TCHH: variants seen among roughly 807,000 people sequenced by gnomAD.
TCHH encodes the protein trichohyalin.
TCHH carries 6 observed loss-of-function variants against 6.3 expected under a neutral mutation model. The observed-to-expected ratio is 0.95, with a 90% CI of 0.52 to 1.88. TCHH has a LOEUF of 1.88. Among genes scored for constraint, TCHH ranks in the 40% most tolerant of loss-of-function variants. The pLI is 0.01. For missense variants in TCHH, 2,920 were observed against 2,449.1 expected, an observed-to-expected ratio of 1.19 and a Z score of -4.06; for synonymous variants, 1,087 against 963.6, an observed-to-expected ratio of 1.13 and a Z score of -2.37.
In TCHH at chr1:152,108,177, C is replaced by A. The variant is rs545995525; in HGVS notation, c.5040G>T (p.Glu1680Asp). 2 of 1,610,348 alleles carry A rather than the reference C, an allele frequency of 1.2e-6. No individual in the cohort carries two copies. Among genetic ancestry groups the A allele is most frequent in the Non-Finnish European group, 8.5e-7 (1 of 1,179,022 alleles). Residue 1680 changes from glutamate to aspartate, a missense_variant, in exon 3 of 3, where the codon GAG becomes GAT. Transcript: ENST00000614923. ...REEEQLLQEG[E>D]EQQLRRQERD... ...GCTCTTGGCGGCGCAGCTGCTGTTC[C>A]TCCCCTTCCTGGAGCAGCTGTTCCT... is the stretch of plus-strand genomic sequence containing the variant.
In TCHH at chr1:152,110,254, T is replaced by TTC. The variant is rs765939343; in HGVS notation, c.2961_2962dup (p.Lys988ArgfsTer18). On this transcript the variant is annotated frameshift_variant, in exon 3 of 3. Transcript: ENST00000614923. LOFTEE classifies it low-confidence loss of function (END_TRUNC). ...CAACTCCTCTTCCTCGCGGTATTTT[T>TTC]TCTCCCGCTCCTGGCGCCTTCTCTT... 1 of 1,403,928 alleles carries TTC rather than the reference T, an allele frequency of 7.1e-7. No homozygotes were observed. Among genetic ancestry groups the TTC allele is most frequent in the East Asian group, 3.2e-5 (1 of 31,636 alleles). 87.0% of individuals were successfully genotyped at this position (1,403,928 alleles called of 1,614,324 possible). A position where few individuals can be genotyped will look rare whatever the true frequency, so the allele number is the denominator to read the frequency against.
At position 152,110,316 on chromosome 1, in the gene TCHH, C is replaced by T. The variant is rs770397524; in HGVS notation, c.2901G>A (p.Gln967=). Residue 967 remains glutamine (Q), a synonymous_variant, in exon 3 of 3, where the codon CAG becomes CAA. Coordinates refer to ENST00000614923, the MANE Select transcript of TCHH (RefSeq NM_007113.4). ...ERQYRKDKKL[Q]QKEEQLLGEE... ...CTCCCAGCAGCTGCTCTTCCTTCTG[C>T]TGCAGCTTCTTATCCTTCCGATATT... The T allele has an allele frequency of 1.2e-6, 2 of 1,610,798 alleles. No individual in the cohort carries two copies. The highest frequency in any genetic ancestry group is 2.2e-5 in the South Asian group (2 of 90,734).
rs1658116073 is a variant in TCHH, at chr1:152,106,738, CTAATT to C, written c.*642_*646del. 6.6e-6 allele frequency: 1 copy of C among 152,180 alleles called. No homozygotes were observed. The highest frequency in any genetic ancestry group is 2.4e-5 in the African/African-American group (1 of 41,436). The allele number at this position is 152,180 out of a possible 1,614,324, so 9.4% of individuals were successfully genotyped here. A position where few individuals can be genotyped will look rare whatever the true frequency, so the allele number is the denominator to read the frequency against. The stretch of plus-strand genomic sequence containing the variant: ...AAGTGGAGTTGAGTTTAAAAAAAAT[CTAATT>C]TAAATTCTAAATCTTCAAAGCTAAA... On this transcript the variant is annotated 3_prime_UTR_variant, in exon 3 of 3. Transcript: ENST00000614923.
At position 152,110,407 on chromosome 1, in the gene TCHH, T is replaced by G; in HGVS notation, c.2810A>C (p.Gln937Pro). ...ERQYREEEQL[Q>P]QEEEQLLREE... The stretch of plus-strand genomic sequence containing the variant: ...TCTCAGCAGCTGCTCTTCCTCCTGC[T>G]GCAGCTGCTCTTCCTCGCGGTATTG... Residue 937 changes from glutamine to proline, a missense_variant, in exon 3 of 3, where the codon CAG becomes CCG. Transcript: ENST00000614923. 16 of 1,613,942 alleles carry G rather than the reference T, an allele frequency of 9.9e-6. No homozygotes were observed. Among genetic ancestry groups the G allele is most frequent in the Non-Finnish European group, 1.4e-5 (16 of 1,180,008 alleles).
chr1:152,112,719 C>T lies in TCHH; in HGVS notation c.498G>A (p.Arg166=). 4 of 1,614,120 alleles carry T rather than the reference C, an allele frequency of 2.5e-6. No individual in the cohort carries two copies. The highest frequency in any genetic ancestry group is 1.1e-5 in the South Asian group (1 of 91,082). The change falls in exon 3 of 3, where the codon AGG becomes AGA. Residue 166 remains arginine (R), a synonymous_variant. Transcript: ENST00000614923. ...GCCACAGCTCCTCGTCGCGGCGCTGCCTGTCGCGCTGTTCAAGTCGCTCTT... is the reference window on the plus strand; with the variant it reads ...GCCACAGCTCCTCGTCGCGGCGCTGTCTGTCGCGCTGTTCAAGTCGCTCTT... ...EKQERLEQRD[R]QRRDEELWRQ... is the part of the protein sequence containing the mutation.
rs981440438 is a variant in TCHH at position 152,107,560 on chromosome 1, C to T, written c.5657G>A (p.Arg1886His). 2.5e-6 allele frequency: 4 copies of T among 1,613,966 alleles called. No individual in the cohort carries two copies. Among genetic ancestry groups the T allele is most frequent in the Non-Finnish European group, 3.4e-6 (4 of 1,180,010 alleles). ...CCTCTGTTCCTCCTTCTGCTGGCGG[C>T]GGATGTGTTCTTCCCGTAATTTCCT... Reference protein sequence around the residue: ...RERKLREEHIRRQQKEEQRHR... With the variant: ...RERKLREEHIHRQQKEEQRHR... Residue 1886 changes from arginine to histidine, a missense_variant, in exon 3 of 3, where the codon CGC (arginine) becomes CAC (histidine). Arg to His is a conservative substitution (Grantham distance 29). Coordinates refer to ENST00000614923, the MANE Select transcript of TCHH (RefSeq NM_007113.4).
Position 152,107,384 on chromosome 1 carries a change from C to T in TCHH, c.*1G>A, listed in dbSNP as rs754615513. 1 of 1,548,214 alleles carries T rather than the reference C, an allele frequency of 6.5e-7. No homozygotes were observed. Among genetic ancestry groups the T allele is most frequent in the Admixed American group, 2.0e-5 (1 of 48,786 alleles). On this transcript the variant is annotated 3_prime_UTR_variant, in exon 3 of 3. Transcript: ENST00000614923. ...AGGTGTCAAGATATTGGCAACATCA[C>T]TTAAGGGCGGTATTGAGATCTCTGC...
chr1:152,110,411 G>A lies in TCHH; in HGVS notation c.2806C>T (p.Leu936=), dbSNP rs201773860. 3.5e-4 allele frequency: 559 copies of A among 1,613,432 alleles called. 2 individuals carry two copies. Among genetic ancestry groups the A allele is most frequent in the Non-Finnish European group, 3.6e-4 (426 of 1,179,872 alleles). The stretch of plus-strand genomic sequence containing the variant: ...AGCAGCTGCTCTTCCTCCTGCTGCA[G>A]CTGCTCTTCCTCGCGGTATTGTCTC... The part of the protein sequence containing the change: ...QERQYREEEQ[L]QQEEEQLLRE... Residue 936 remains leucine (L), a synonymous_variant, in exon 3 of 3, where the codon CTG becomes TTG. Transcript: ENST00000614923.
rs371796695 is a variant in TCHH, at chr1:152,111,013, T to C, written c.2204A>G (p.Gln735Arg). The C allele has an allele frequency of 1.9e-6, 3 of 1,613,184 alleles. No homozygotes were observed. The highest frequency in any genetic ancestry group is 2.5e-6 in the Non-Finnish European group (3 of 1,179,950). The change falls in exon 3 of 3, where the codon CAG becomes CGG. Residue 735 changes from glutamine (Q) to arginine (R), a missense_variant. By Grantham distance (43) the Gln-to-Arg change is conservative. Coordinates refer to ENST00000614923, the MANE Select transcript of TCHH (RefSeq NM_007113.4). Reference protein sequence around the residue: ...KQEGQRRRQEQEEKRRRRESE... With the variant: ...KQEGQRRRQEREEKRRRRESE... The stretch of plus-strand genomic sequence containing the variant: ...CTCCCGGCGCCGCCTCTTTTCCTCC[T>C]GCTCTTGGCGGCGCCTCTGCCCTTC...
In TCHH at chr1:152,112,131, C is replaced by G; in HGVS notation, c.1086G>C (p.Gln362His). Residue 362 changes from glutamine to histidine, a missense_variant, in exon 3 of 3, where the codon CAG (glutamine) becomes CAC (histidine). By Grantham distance (24) the Gln-to-His change is conservative. Transcript: ENST00000614923. ...RREQEEERRE[Q>H]QLRREQEEER... The stretch of plus-strand genomic sequence containing the variant: ...CCTCCTCCTGCTCGCGCCTCAGCTG[C>G]TGCTCGCGCCTCTCCTCCTCCTGCT... 6.3e-7 allele frequency: 1 copy of G among 1,595,126 alleles called. No individual in the cohort carries two copies. Among genetic ancestry groups the G allele is most frequent in the Non-Finnish European group, 8.5e-7 (1 of 1,176,332 alleles).
In TCHH at chr1:152,110,044, TGCTGCAGCTCCTCTTCCTCCC is replaced by T; in HGVS notation, c.3152_3172del (p.Arg1051_Gln1057del). ...CTCTCCCAGCAGCTGCTCTTCCTCC[TGCTGCAGCTCCTCTTCCTCCC>T]GATATTGCCTCTCCCGCTCCTGGAG... On this transcript the variant is annotated inframe_deletion, in exon 3 of 3. Coordinates refer to ENST00000614923, the MANE Select transcript of TCHH (RefSeq NM_007113.4). 8 of 1,608,310 alleles carry T rather than the reference TGCTGCAGCTCCTCTTCCTCCC, an allele frequency of 5.0e-6. No individual in the cohort carries two copies. The highest frequency in any genetic ancestry group is 6.8e-6 in the Non-Finnish European group (8 of 1,177,744).
chr1:152,110,021 C>T lies in TCHH; in HGVS notation c.3196G>A (p.Glu1066Lys), dbSNP rs1284895679. 4 of 1,542,756 alleles carry T rather than the reference C, an allele frequency of 2.6e-6. No individual in the cohort carries two copies. Among genetic ancestry groups the T allele is most frequent in the East Asian group, 2.5e-5 (1 of 40,594 alleles). ...TGGCGCCTTCTCGTCTCCCGTTCCT[C>T]TCCCAGCAGCTGCTCTTCCTCCTGC... Reference protein sequence around the residue: ...LQQEEEQLLGEERETRRRQEL... With the variant: ...LQQEEEQLLGKERETRRRQEL... The change falls in exon 3 of 3, where the codon GAG becomes AAG. Residue 1066 changes from glutamate (E) to lysine (K), a missense_variant. Physicochemically the swap from Glu to Lys is moderately conservative, Grantham distance 56. Coordinates refer to ENST00000614923, the MANE Select transcript of TCHH (RefSeq NM_007113.4).
chr1:152,108,519 C>A lies in TCHH; in HGVS notation c.4698G>T (p.Glu1566Asp). The change falls in exon 3 of 3, where the codon GAG becomes GAT. Residue 1566 changes from glutamate to aspartate, a missense_variant. Transcript: ENST00000614923. ...KFREEEQLRQEREEQQLSRQE... is the reference protein window; with the variant it reads ...KFREEEQLRQDREEQQLSRQE... ...GGCGGCTCAGCTGCTGTTCCTCCCT[C>A]TCCTGGCGCAGCTGTTCCTCCTCGC... The A allele has an allele frequency of 6.3e-7, 1 of 1,589,206 alleles. No individual in the cohort carries two copies. The highest frequency in any genetic ancestry group is 1.5e-5 in the African/African-American group (1 of 68,402).
rs774691402 is a variant in TCHH at position 152,111,520 on chromosome 1, C to G, written c.1697G>C (p.Arg566Pro). 1.2e-5 allele frequency: 18 copies of G among 1,459,704 alleles called. No individual in the cohort carries two copies. The highest frequency in any genetic ancestry group is 1.6e-5 in the African/African-American group (1 of 60,888). The allele number at this position is 1,459,704 out of a possible 1,614,324, so 90.4% of individuals were successfully genotyped here. Reference sequence around the variant, plus strand: ...CCTCTCCTCCTGCTCGCGCTTCAGCCGCTGCTCTCGCCTCTCCTGCTCGAG... The same window carrying G: ...CCTCTCCTCCTGCTCGCGCTTCAGCGGCTGCTCTCGCCTCTCCTGCTCGAG... ...KRLEQERREQ[R>P]LKREQEERRD... is the part of the protein sequence containing the mutation. Residue 566 changes from arginine to proline, a missense_variant, in exon 3 of 3, where the codon CGG (arginine) becomes CCG (proline). Coordinates refer to ENST00000614923, the MANE Select transcript of TCHH (RefSeq NM_007113.4).
Position 152,107,695 on chromosome 1 carries a change from C to G in TCHH, c.5522G>C (p.Arg1841Pro). The G allele has an allele frequency of 6.2e-7, 1 of 1,614,208 alleles. No homozygotes were observed. The highest frequency in any genetic ancestry group is 8.5e-7 in the Non-Finnish European group (1 of 1,180,048). The part of the protein sequence containing the change: ...EEQEQRLRQE[R>P]DRQYRAEEQF... ...CTCCTCCGCCCGGTACTGCCGGTCT[C>G]GCTCCTGCCGCAGCCTCTGCTCTTG... is the stretch of plus-strand genomic sequence containing the variant. The change falls in exon 3 of 3, where the codon CGA (arginine) becomes CCA (proline). Residue 1841 changes from arginine (R) to proline (P), a missense_variant. Transcript: ENST00000614923.
chr1:152,109,946 C>T lies in TCHH; in HGVS notation c.3271G>A (p.Glu1091Lys), dbSNP rs1658266733. 6.3e-7 allele frequency: 1 copy of T among 1,583,734 alleles called. No homozygotes were observed. The highest frequency in any genetic ancestry group is 2.4e-5 in the East Asian group (1 of 41,954). The change falls in exon 3 of 3, where the codon GAG (glutamate) becomes AAG (lysine). Residue 1091 changes from glutamate (E) to lysine (K), a missense_variant. Transcript: ENST00000614923. ...TCCGGTTCCTCTCTCAGCAGCTGCTCTTCCTCCTGCTGCAGCTCCTCTTCC... is the reference window on the plus strand; with the variant it reads ...TCCGGTTCCTCTCTCAGCAGCTGCTTTTCCTCCTGCTGCAGCTCCTCTTCC... ...RKEEELQQEE[E>K]QLLREEPEKR...
chr1:152,112,228 T>G lies in TCHH; in HGVS notation c.989A>C (p.Gln330Pro). 2 of 1,601,680 alleles carry G rather than the reference T, an allele frequency of 1.2e-6. No homozygotes were observed. Among genetic ancestry groups the G allele is most frequent in the South Asian group, 1.1e-5 (1 of 90,682 alleles). The change falls in exon 3 of 3, where the codon CAG becomes CCG. Residue 330 changes from glutamine to proline, a missense_variant. By Grantham distance (76) the Gln-to-Pro change is moderately conservative. Coordinates refer to ENST00000614923, the MANE Select transcript of TCHH (RefSeq NM_007113.4). ...CTGCTGCTCGCGCCTCTCCTCCTGC[T>G]GCTCGCGCCTCTCCTGCTGCTCGCG... is the stretch of plus-strand genomic sequence containing the variant. ...ERREQQERRE[Q>P]QEERREQQLR...
Position 152,109,716 on chromosome 1 carries a change from C to T in TCHH, c.3501G>A (p.Glu1167=). The T allele has an allele frequency of 6.2e-7, 1 of 1,607,304 alleles. No individual in the cohort carries two copies. Among genetic ancestry groups the T allele is most frequent in the Non-Finnish European group, 8.5e-7 (1 of 1,176,722 alleles). The change falls in exon 3 of 3, where the codon GAG becomes GAA. Residue 1167 remains glutamate (E), a synonymous_variant. Coordinates refer to ENST00000614923, the MANE Select transcript of TCHH (RefSeq NM_007113.4). ...EPEKRRRQEL[E]RQYREEEELQ... The stretch of plus-strand genomic sequence containing the variant: ...GCTCCTCTTCCTCGCGGTATTGCCT[C>T]TCCAGCTCCTGGCGCCTTCTCTTCT...
rs768418959 is a variant in TCHH at position 152,108,626 on chromosome 1, T to C, written c.4591A>G (p.Arg1531Gly). The change falls in exon 3 of 3, where the codon AGA becomes GGA. Residue 1531 changes from arginine (R) to glycine (G), a missense_variant. By Grantham distance (125) the Arg-to-Gly change is moderately radical (BLOSUM62 -2). Coordinates refer to ENST00000614923, the MANE Select transcript of TCHH (RefSeq NM_007113.4). ...TGCTGTTCCTCCTGGAGGAATTTTC[T>C]CTGCCGTTGCTGGCGGTGCAGCTGC... ...EQQLHRQQRQ[R>G]KFLQEEQQLR... is the part of the protein sequence containing the mutation. 2 of 1,600,624 alleles carry C rather than the reference T, an allele frequency of 1.2e-6. No homozygotes were observed. The highest frequency in any genetic ancestry group is 1.8e-5 in the Admixed American group (1 of 55,884).
Sources: allele counts gnomAD v4.1 joint callset, GRCh38; gene constraint gnomAD v4.1.1; transcripts MANE v1.5; gene names NCBI Gene and HGNC (gene_info 2026-07-23, HGNC 2026-07-21).